RBBP8: variants seen among roughly 807,000 people sequenced by gnomAD.
RBBP8 encodes the protein RB binding protein 8, endonuclease.
A neutral mutation model predicts 108.3 loss-of-function variants in RBBP8; 88 were observed. The observed-to-expected ratio is 0.81, with a 90% confidence interval of 0.68 to 0.97. RBBP8 has a LOEUF of 0.97. Among genes scored for constraint, RBBP8 ranks in the 50% least tolerant of loss-of-function variants. The pLI, the probability that RBBP8 is intolerant of heterozygous loss-of-function variation, is 0.00. For missense variants in RBBP8, 1,023 were observed against 1,049.0 expected (o/e 0.98, Z 0.34); for synonymous variants, 332 against 348.2 (o/e 0.95, Z 0.52).
Position 22,949,599 on chromosome 18 carries a change from T to C in RBBP8, c.153-19T>C, listed in dbSNP as rs751390014. On this transcript the variant is annotated intron_variant, in intron 3 of 18. Transcript: ENST00000327155. Reference sequence around the variant, plus strand: ...AGAGTATTTTTATCTGAAAAACTTATTTATTTTTTGACCTTTAGAGATGCA... The same window carrying C: ...AGAGTATTTTTATCTGAAAAACTTACTTATTTTTTGACCTTTAGAGATGCA... The C allele has an allele frequency of 4.5e-6, 7 of 1,553,482 alleles. No homozygotes were observed. The Admixed American group carries it at 6.7e-5, about 15-fold the overall frequency.
chr18:22,964,554 C>G (rs181012124), intron 4 of RBBP8, among the ~76,000 whole-genome samples: 13 of 151,180 alleles, frequency 8.6e-5, no homozygotes, highest in African/African-American at 2.9e-4. Context: ...TTTCTCTTTA[C>G]TTTTTGAGTA....
rs1912896374 is a variant in RBBP8 at position 22,959,654 on chromosome 18, A to T, written c.249-9152A>T. 2.0e-5 allele frequency among the ~76,000 whole-genome samples: 3 copies of T among 151,604 alleles called. No individual in the cohort carries two copies. In the South Asian group the frequency reaches 6.2e-4, roughly 31 times the overall value. On this transcript the variant is annotated intron_variant, in intron 4 of 18. Coordinates refer to ENST00000327155, the MANE Select transcript of RBBP8 (RefSeq NM_002894.3). ...ATTCTCCAACCCTACTATTGAAGTT[A>T]TTTTGACAATCACGTACGTAATATC...
chr18:22,983,445 A>C (rs1259782830), intron 7 of RBBP8, among the ~76,000 whole-genome samples: 1 of 152,202 alleles, frequency 6.6e-6, no homozygotes, highest in Non-Finnish European at 1.5e-5. Context: ...CTACACTTAA[A>C]TAGGAGCTAA....
chr18:22,916,133 A>C (rs1909346216), intron 2 of RBBP8, among the ~76,000 whole-genome samples: 1 of 152,138 alleles, frequency 6.6e-6, no homozygotes, highest in South Asian at 2.1e-4. Context: ...GCCTAGTCAA[A>C]AAGTATTCCA....
chr18:23,011,108 A>G (rs1345900485), intron 16 of RBBP8, among the ~76,000 whole-genome samples: 1 of 152,208 alleles, frequency 6.6e-6, no homozygotes, highest in African/African-American at 2.4e-5. Context: ...GAGTTGAAAC[A>G]AAAAAGGACT....
intron 2 of RBBP8, 136 bp downstream of exon 2, chr18:22,937,096 C>A: frequency 6.7e-7 from 1 of 1,485,644 alleles, no homozygotes. Flanking sequence ...AGATTTGGTA[C>A]ATGGATAGAT....
chr18:22,931,058 T>C (rs1910005255), upstream of RBBP8, among the ~76,000 whole-genome samples: 1 of 152,166 alleles, frequency 6.6e-6, no homozygotes, highest in Non-Finnish European at 1.5e-5. Flanking sequence ...CAAGACGTGG[T>C]TTTTTATCTC....
At chr18:22,936,445 G>A (rs2144394540) in intron 1 of RBBP8, among the ~76,000 whole-genome samples, 1 of 152,220 alleles carries the variant, frequency 6.6e-6, no homozygotes, top group African/African-American at 2.4e-5. Flanking sequence ...TACTGACCAT[G>A]AATGATAAAA....
intron 18 of RBBP8, among the ~76,000 whole-genome samples, 193 bp downstream of exon 18, chr18:23,022,463 G>C (rs568491634): frequency 6.6e-6 from 1 of 151,480 alleles, no homozygotes; most frequent in Admixed American, 6.6e-5. Flanking sequence ...TTAGCCAGGC[G>C]TGGTGGCACA....
At chr18:23,008,552 C>A (rs2046099167) in intron 16 of RBBP8, among the ~76,000 whole-genome samples, 1 of 151,920 alleles carries the variant, frequency 6.6e-6, no homozygotes, top group East Asian at 1.9e-4. Context: ...TTAGAGATAC[C>A]CAGATTGTCC....
intron 4 of RBBP8, among the ~76,000 whole-genome samples, chr18:22,962,864 G>C (rs1913228831): frequency 6.6e-6 from 1 of 152,106 alleles, no homozygotes; most frequent in Non-Finnish European, 1.5e-5. Context: ...GCCTCCCAAA[G>C]TACTGGAGTT....
chr18:22,975,281 A>C, intron 6 of RBBP8, 62 bp downstream of exon 6: 1 of 1,582,440 alleles, frequency 6.3e-7, no homozygotes, highest in East Asian at 2.3e-5. Flanking sequence ...CATGAAGATA[A>C]CTGTAAGAGT....
intron 14 of RBBP8, among the ~76,000 whole-genome samples, chr18:22,998,167 AATTTTTTATAAGTGGT>A: frequency 6.6e-6 from 1 of 152,234 alleles, no homozygotes; most frequent in South Asian, 2.1e-4. Flanking sequence ...TGGTGTAGAC[AATTTTTTATAAGTGGT>A]ATAACAGTAA....
At chr18:23,017,039 G>T in intron 17 of RBBP8, 115 bp downstream of exon 17, 2 of 841,266 alleles carry the variant, frequency 2.4e-6, no homozygotes, top group Non-Finnish European at 3.9e-6. Flanking sequence ...TCTTATTTGA[G>T]CCAGGCGTAA....
At chr18:23,008,964 A>G (rs1040425226) in intron 16 of RBBP8, among the ~76,000 whole-genome samples, 1 of 151,796 alleles carries the variant, frequency 6.6e-6, no homozygotes, top group East Asian at 1.9e-4. Context: ...TAGTAGAGAC[A>G]GGGTTTCACC....
chr18:22,944,072 ATTG>A (rs1911336567), intron 2 of RBBP8, among the ~76,000 whole-genome samples: 1 of 152,220 alleles, frequency 6.6e-6, no homozygotes, highest in Non-Finnish European at 1.5e-5. Flanking sequence ...CAGGAGCTAC[ATTG>A]TTGTATAGCC....
intron 6 of RBBP8, among the ~76,000 whole-genome samples, chr18:22,978,439 A>G (rs759288033): frequency 2.6e-5 from 4 of 152,116 alleles, no homozygotes; most frequent in Non-Finnish European, 5.9e-5. Flanking sequence ...TTTTCCTTTT[A>G]TGACAAAGGA....
chr18:22,919,801 C>T (rs1011616743), intron 3 of RBBP8, among the ~76,000 whole-genome samples: 2 of 152,066 alleles, frequency 1.3e-5, no homozygotes, highest in African/African-American at 2.4e-5. Context: ...ATCCACCCTC[C>T]GTGGCCTCCC....
intron 16 of RBBP8, among the ~76,000 whole-genome samples, chr18:23,011,803 A>G (rs757235351): frequency 6.6e-5 from 10 of 152,044 alleles, no homozygotes; most frequent in Non-Finnish European, 1.0e-4. Context: ...AGCGAACTCA[A>G]TCAATGAATG....
Sources: allele counts gnomAD v4.1 joint callset (sites outside exome capture counted in the v4.1 genomes callset), GRCh38; gene constraint gnomAD v4.1.1; transcripts MANE v1.5; gene names NCBI Gene and HGNC (gene_info 2026-07-23, HGNC 2026-07-21).